Variants in HP1BP3 observed in about 807,000 individuals in gnomAD.
HP1BP3 encodes the protein heterochromatin protein 1-binding protein 3.
A neutral mutation model predicts 62.5 loss-of-function variants in HP1BP3; 12 were observed. That is an observed-to-expected ratio of 0.19 (90% CI 0.12 to 0.31). The LOEUF (loss-of-function observed/expected upper bound fraction) is 0.31, where lower values mean the gene tolerates loss of function less well. Ranked by LOEUF, HP1BP3 falls within the 10% of genes least tolerant of loss-of-function variation. The probability of loss-of-function intolerance (pLI) is 1.00; values close to 1 mark genes in which losing one functional copy is unlikely to be tolerated. For synonymous variants in HP1BP3, 260 were observed against 237.8 expected (o/e 1.09, Z -0.86); for missense variants, 502 against 651.8 (o/e 0.77, Z 2.50).
At chr1:20,756,999 C>T (rs558137595) in intron 9 of HP1BP3, among the ~76,000 whole-genome samples, 167 bp downstream of exon 9, 146 of 152,238 alleles carry the variant, frequency 9.6e-4, no homozygotes, top group Middle Eastern at 3.4e-3. Flanking sequence ...TGTGAGCCAC[C>T]GCACCCAGAC....
intron 9 of HP1BP3, chr1:20,755,237 T>TA (rs1431766735): frequency 5.1e-5 from 16 of 315,258 alleles, no homozygotes; most frequent in South Asian, 3.4e-4. Context: ...ATGGCTATAA[T>TA]AAAAAAGAGT....
rs1355513067 is a variant in HP1BP3 at position 20,749,880 on chromosome 1, C to T, written c.984G>A (p.Leu328=). The change falls in exon 10 of 13, where the codon CTG becomes CTA. Residue 328 remains leucine, a splice_region_variant and synonymous_variant. Transcript: ENST00000438032. The part of the protein sequence containing the change: ...TGKGASGTFQ[L]KKSGEKPLLG... ...GCAGGGGTTTCTCCCCTGATTTCTT[C>T]AGCTGTTTTCCAAGGAGGAAGAGAA... The T allele has an allele frequency of 6.2e-7, 1 of 1,611,264 alleles. No individual in the cohort carries two copies. The highest frequency in any genetic ancestry group is 1.1e-5 in the South Asian group (1 of 90,664).
intron 9 of HP1BP3, among the ~76,000 whole-genome samples, chr1:20,752,300 CT>C (rs1034571321): frequency 6.4e-4 from 93 of 145,586 alleles, no homozygotes; most frequent in Middle Eastern, 3.6e-3. Context: ...TTTTCACTGT[CT>C]TTTTTTTTTT....
At chr1:20,786,109 T>C (rs1260809580) in intron 1 of HP1BP3, 2 of 152,242 alleles carry the variant, frequency 1.3e-5, no homozygotes, top group Non-Finnish European at 2.9e-5. Flanking sequence ...GAGACAACTC[T>C]TTCTCAAAAA....
intron 11 of HP1BP3, among the ~76,000 whole-genome samples, chr1:20,746,563 C>T (rs552778568): frequency 3.9e-5 from 6 of 152,114 alleles, no homozygotes; most frequent in Non-Finnish European, 7.4e-5. Flanking sequence ...GGCTTTAAAC[C>T]CAGTGCATGA....
chr1:20,761,366 G>C (rs1451102637), intron 8 of HP1BP3, among the ~76,000 whole-genome samples: 1 of 152,146 alleles, frequency 6.6e-6, no homozygotes, highest in Non-Finnish European at 1.5e-5. Context: ...TTTAAAGACA[G>C]AGCAAAAATA....
chr1:20,758,621 C>T (rs1307375465), intron 8 of HP1BP3, among the ~76,000 whole-genome samples: 1 of 151,102 alleles, frequency 6.6e-6, no homozygotes, highest in Non-Finnish European at 1.5e-5. Flanking sequence ...GCTGGGATTA[C>T]AGGTGTGAGC....
intron 8 of HP1BP3, among the ~76,000 whole-genome samples, chr1:20,761,169 T>C (rs1459766979): frequency 6.6e-6 from 1 of 152,108 alleles, no homozygotes; most frequent in Non-Finnish European, 1.5e-5. Context: ...CTTGGCCTCT[T>C]GAGTAGCTGG....
At chr1:20,755,045 C>T (rs1264397592) in intron 9 of HP1BP3, among the ~76,000 whole-genome samples, 2 of 152,126 alleles carry the variant, frequency 1.3e-5, no homozygotes, top group Non-Finnish European at 2.9e-5. Flanking sequence ...GACTTTATGT[C>T]TAGAGTAATG....
intron 8 of HP1BP3, among the ~76,000 whole-genome samples, chr1:20,758,127 C>T (rs1280724998): frequency 2.0e-5 from 3 of 151,890 alleles, no homozygotes; most frequent in Non-Finnish European, 4.4e-5. Context: ...ACCTAGGCAA[C>T]GGAGCAAGAC....
chr1:20,751,527 C>T (rs1328059915), intron 9 of HP1BP3, among the ~76,000 whole-genome samples: 1 of 151,752 alleles, frequency 6.6e-6, no homozygotes, highest in Admixed American at 6.6e-5. Flanking sequence ...GAGTTCAAGA[C>T]CAACCTCGGC....
intron 9 of HP1BP3, among the ~76,000 whole-genome samples, chr1:20,752,799 G>C (rs925096707): frequency 2.0e-5 from 3 of 152,150 alleles, no homozygotes; most frequent in Non-Finnish European, 4.4e-5. Context: ...CTCAACTTTT[G>C]AATGTCTTTA....
Position 20,747,650 on chromosome 1 carries a change from A to T in HP1BP3, c.1147T>A (p.Leu383Met). Residue 383 changes from leucine to methionine, a missense_variant, in exon 11 of 13, where the codon TTG becomes ATG. Leu to Met is a conservative substitution (Grantham distance 15). Around this residue, in one of 5 missense-constraint regions of HP1BP3, gnomAD observed 194 missense variants for 207.0 expected, o/e 0.94. Transcript: ENST00000438032. ...PGTNSNYQMH[L>M]LKKTLQKCEK... ...CATTTCTGCAGGGTTTTTTTCAGCA[A>T]ATGCACTGAAAAAAAAAATTCAGAA... The T allele has an allele frequency of 6.2e-7, 1 of 1,605,994 alleles. No homozygotes were observed. The highest frequency in any genetic ancestry group is 1.1e-5 in the South Asian group (1 of 90,226).
In HP1BP3 at chr1:20,743,654, C is replaced by A. The variant is rs989844901; in HGVS notation, c.*1143G>T. Reference sequence around the variant, plus strand: ...CCACACTGGGCGACAGAGCGAGACTCTGTCTCAAAAATAATAATAATAATA... The same window carrying A: ...CCACACTGGGCGACAGAGCGAGACTATGTCTCAAAAATAATAATAATAATA... On this transcript the variant is annotated 3_prime_UTR_variant, in exon 13 of 13. Coordinates refer to ENST00000438032, the MANE Select transcript of HP1BP3 (RefSeq NM_001372052.1). The A allele has an allele frequency of 1.4e-4, 21 of 151,912 alleles. No individual in the cohort carries two copies. The highest frequency in any genetic ancestry group is 5.1e-4 in the African/African-American group (21 of 41,358). The allele number at this position is 151,912 out of a possible 1,614,324, so 9.4% of individuals were successfully genotyped here.
At chr1:20,761,910 T>C (rs956686899) in intron 8 of HP1BP3, among the ~76,000 whole-genome samples, 17 of 152,070 alleles carry the variant, frequency 1.1e-4, no homozygotes, top group African/African-American at 3.6e-4. Flanking sequence ...TCAAATGCCA[T>C]TGAGAGGGCA....
intron 1 of HP1BP3, among the ~76,000 whole-genome samples, chr1:20,780,873 T>G (rs552980906): frequency 1.3e-5 from 2 of 152,172 alleles, no homozygotes; most frequent in African/African-American, 4.8e-5. Context: ...GAACAGTTAG[T>G]CAAAGATCAG....
In HP1BP3 at chr1:20,749,606, G is replaced by A. The variant is rs145914118; in HGVS notation, c.1141+117C>T. On this transcript the variant is annotated intron_variant, in intron 10 of 12. Coordinates refer to ENST00000438032, the MANE Select transcript of HP1BP3 (RefSeq NM_001372052.1). ...AAACTCCCGACCTCGTGATCCACCC[G>A]CCTCAGCCTCCCAAAGTGCTGGGAT... 6,120 of 948,618 alleles carry A rather than the reference G, an allele frequency of 6.5e-3. 30 individuals are homozygous for A. Among genetic ancestry groups the A allele is most frequent in the Middle Eastern group, 9.7e-3 (28 of 2,896 alleles). 58.8% of individuals were successfully genotyped at this position (948,618 alleles called of 1,614,324 possible).
chr1:20,775,997 T>C (rs1364509348), intron 4 of HP1BP3: 10 of 1,397,866 alleles, frequency 7.2e-6, no homozygotes, highest in Non-Finnish European at 9.5e-6. Context: ...ATGAATACTA[T>C]CAGCTCTCCT....
At chr1:20,759,499 G>C (rs1011463896) in intron 8 of HP1BP3, among the ~76,000 whole-genome samples, 3 of 152,196 alleles carry the variant, frequency 2.0e-5, no homozygotes, top group Non-Finnish European at 4.4e-5. Flanking sequence ...ATTTAAGAAA[G>C]TATTAAGGGC....
Sources: gnomAD v4.1 joint callset for allele counts (sites outside exome capture counted in the v4.1 genomes callset) on GRCh38, gnomAD v4.1.1 for gene constraint, gnomAD v4.1.1 regional missense constraint, MANE v1.5 for transcripts, NCBI Gene and HGNC (gene_info 2026-07-23, HGNC 2026-07-21) for gene names.